CHCHD3: variants seen among roughly 807,000 people sequenced by gnomAD.
CHCHD3 encodes the protein coiled-coil-helix-coiled-coil-helix domain containing 3, also known as MICOS complex subunit MIC19.
CHCHD3 carries 20 observed loss-of-function variants against 38.2 expected under a neutral mutation model. That is an observed-to-expected ratio of 0.52 (90% CI 0.37 to 0.76). The LOEUF is 0.76. Ranked by LOEUF, CHCHD3 falls within the 30% of genes least tolerant of loss-of-function variation. CHCHD3 has a pLI of 0.00. For missense variants in CHCHD3, 245 were observed against 279.2 expected, an observed-to-expected ratio of 0.88 and a Z score of 0.87; for synonymous variants, 82 against 100.0, an observed-to-expected ratio of 0.82 and a Z score of 1.07.
At chr7:133,075,228 T>C (rs1360344771) in intron 1 of CHCHD3, among the ~76,000 whole-genome samples, 2 of 152,212 alleles carry the variant, frequency 1.3e-5, no homozygotes, top group Non-Finnish European at 2.9e-5. Context: ...TCAAAACATT[T>C]CCCAGTGGGA....
At chr7:132,963,692 T>TACAC (rs1174201921) in intron 4 of CHCHD3, among the ~76,000 whole-genome samples, 1 of 46,910 alleles carries the variant, frequency 2.1e-5, no homozygotes, top group Admixed American at 2.4e-4. Flanking sequence ...CACAAACGAT[T>TACAC]ATACACACAC....
intron 5 of CHCHD3, among the ~76,000 whole-genome samples, chr7:132,873,522 T>A (rs1457572687): frequency 6.6e-6 from 1 of 151,636 alleles, no homozygotes; most frequent in Non-Finnish European, 1.5e-5. Context: ...CAAGTGATTC[T>A]CCTGCCTCAG....
At chr7:132,893,135 G>C (rs1488493513) in intron 4 of CHCHD3, among the ~76,000 whole-genome samples, 1 of 152,254 alleles carries the variant, frequency 6.6e-6, no homozygotes, top group Admixed American at 6.5e-5. Context: ...GCCAGCCCAT[G>C]AGAGCAGCAT....
At chr7:132,869,093 T>C (rs1478174733) in intron 5 of CHCHD3, among the ~76,000 whole-genome samples, 2 of 152,186 alleles carry the variant, frequency 1.3e-5, no homozygotes, top group African/African-American at 2.4e-5. Context: ...TGATGGAACA[T>C]TCAAACACAA....
At chr7:132,859,799 T>C (rs1443454040) in intron 5 of CHCHD3, among the ~76,000 whole-genome samples, 1 of 151,886 alleles carries the variant, frequency 6.6e-6, no homozygotes, top group Non-Finnish European at 1.5e-5. Flanking sequence ...ACTTTTCTCC[T>C]TGACCTACAC....
intron 2 of CHCHD3, among the ~76,000 whole-genome samples, chr7:133,067,367 T>C (rs998782482): frequency 7.2e-5 from 11 of 152,140 alleles, no homozygotes; most frequent in Non-Finnish European, 1.6e-4. Context: ...ACCAAGAAAA[T>C]GTTTTAATTA....
chr7:132,862,170 C>T (rs914678729), intron 5 of CHCHD3, among the ~76,000 whole-genome samples: 3 of 148,942 alleles, frequency 2.0e-5, no homozygotes, highest in Non-Finnish European at 3.0e-5. Flanking sequence ...TGAAATAAGG[C>T]AAGGGAGGGG....
chr7:132,824,495 T>C (rs928802192), intron 6 of CHCHD3, among the ~76,000 whole-genome samples: 2 of 152,062 alleles, frequency 1.3e-5, no homozygotes, highest in African/African-American at 4.8e-5. Flanking sequence ...ATTTTCTGTT[T>C]AGTAAAGACA....
chr7:132,973,392 AT>A, intron 4 of CHCHD3: 3 of 985,436 alleles, frequency 3.0e-6, no homozygotes, highest in Non-Finnish European at 3.6e-6. Flanking sequence ...CTGACCTGAT[AT>A]TTTTTCAGCT....
At chr7:132,931,786 T>G (rs28615926) in intron 4 of CHCHD3, among the ~76,000 whole-genome samples, 2,949 of 152,266 alleles carry the variant, frequency 0.019, 61 homozygotes, top group East Asian at 0.11. Context: ...AATTTTAAGT[T>G]CTGTAGGAAG....
chr7:132,939,530 G>A (rs1467081473), intron 4 of CHCHD3, among the ~76,000 whole-genome samples: 1 of 152,160 alleles, frequency 6.6e-6, no homozygotes, highest in Admixed American at 6.5e-5. Context: ...GCCTAGGTGT[G>A]TAGTAGCCGA....
At chr7:133,058,341 A>C (rs563673604) in intron 2 of CHCHD3, among the ~76,000 whole-genome samples, 6 of 152,172 alleles carry the variant, frequency 3.9e-5, no homozygotes, top group Admixed American at 2.0e-4. Flanking sequence ...CCTGGGCTCA[A>C]GGGATCCTCC....
intron 4 of CHCHD3, among the ~76,000 whole-genome samples, chr7:132,933,416 T>C (rs1441161809): frequency 1.3e-5 from 2 of 152,334 alleles, no homozygotes; most frequent in African/African-American, 4.8e-5. Flanking sequence ...CAGCCAGACT[T>C]TATCATAAGG....
intron 4 of CHCHD3, among the ~76,000 whole-genome samples, chr7:132,905,911 C>T (rs561452456): frequency 6.6e-6 from 1 of 152,236 alleles, no homozygotes; most frequent in African/African-American, 2.4e-5. Flanking sequence ...CGGAAAGTAA[C>T]AGACAAATAT....
intron 3 of CHCHD3, among the ~76,000 whole-genome samples, chr7:132,975,872 A>C (rs1289702620): frequency 1.3e-5 from 2 of 151,548 alleles, no homozygotes; most frequent in Admixed American, 1.3e-4. Flanking sequence ...TAGAGGACGC[A>C]GTGAGCTGAG....
intron 6 of CHCHD3, among the ~76,000 whole-genome samples, chr7:132,799,759 G>T (rs1405333437): frequency 2.0e-5 from 3 of 152,136 alleles, no homozygotes; most frequent in Non-Finnish European, 2.9e-5. Flanking sequence ...CCAGTTTTGT[G>T]GTCACTTGAA....
At chr7:132,985,689 T>G (rs1291493831) in intron 3 of CHCHD3, among the ~76,000 whole-genome samples, 20 of 43,406 alleles carry the variant, frequency 4.6e-4, no homozygotes, top group South Asian at 8.1e-4. Context: ...GGGGGGGGGG[T>G]CAGCCCCCCG....
At chr7:133,062,807 T>A (rs1488054345) in intron 2 of CHCHD3, among the ~76,000 whole-genome samples, 2 of 152,062 alleles carry the variant, frequency 1.3e-5, no homozygotes, top group African/African-American at 4.8e-5. Flanking sequence ...GTAGGGAGTG[T>A]CCGGCCCACT....
intron 5 of CHCHD3, among the ~76,000 whole-genome samples, chr7:132,843,526 C>T (rs1396912155): frequency 6.6e-6 from 1 of 152,124 alleles, no homozygotes; most frequent in East Asian, 1.9e-4. Context: ...AAAGGTACTC[C>T]AAATTAGTGA....
Sources: allele counts gnomAD v4.1 joint callset (sites outside exome capture counted in the v4.1 genomes callset), GRCh38; gene constraint gnomAD v4.1.1; transcripts MANE v1.5; gene names NCBI Gene and HGNC (gene_info 2026-07-23, HGNC 2026-07-21).